The following RGS6 variants were observed in gnomAD, a reference collection of about 807,000 sequenced individuals.
RGS6 encodes regulator of G protein signaling 6, also known as regulator of G-protein signaling 6.
A neutral mutation model predicts 78.5 loss-of-function variants in RGS6; 30 were observed. The observed-to-expected ratio is 0.38, with a 90% CI of 0.29 to 0.52. RGS6 has a LOEUF of 0.52. RGS6 is among the 20% of genes least tolerant of loss of function. RGS6 has a pLI of 0.85. For missense variants in RGS6, 495 were observed against 609.7 expected (o/e 0.81, Z 1.98); for synonymous variants, 206 against 206.0 (o/e 1.00, Z 0.00).
At chr14:71,967,443 C>T (rs1424226354) in intron 2 of RGS6, among the ~76,000 whole-genome samples, 4 of 152,086 alleles carry the variant, frequency 2.6e-5, no homozygotes, top group Non-Finnish European at 5.9e-5. Context: ...AACTTACTTG[C>T]TGTAGGACAT....
intron 2 of RGS6, among the ~76,000 whole-genome samples, chr14:72,255,097 G>A (rs982807995): frequency 1.3e-5 from 2 of 152,180 alleles, no homozygotes; most frequent in Non-Finnish European, 2.9e-5. Context: ...TGAGGCAGAG[G>A]GAGATGGGGG....
chr14:71,991,776 A>G lies in RGS6; in HGVS notation c.84+26901A>G, dbSNP rs553061992. 4.6e-5 allele frequency among the ~76,000 whole-genome samples: 7 copies of G among 152,304 alleles called. No individual in the cohort carries two copies. In the East Asian group the frequency reaches 7.7e-4, roughly 17 times the overall value. ...TGAGAATATTTTCTTGTGACAGTCA[A>G]TATTCCTCTAGACCAGCAATTGGAT... is the stretch of plus-strand genomic sequence containing the variant. On this transcript the variant is annotated intron_variant, in intron 2 of 17. Coordinates refer to ENST00000553525, the MANE Select transcript of RGS6 (RefSeq NM_001204424.2).
chr14:72,365,560 C>T (rs181175918), intron 3 of RGS6, among the ~76,000 whole-genome samples: 11 of 152,262 alleles, frequency 7.2e-5, no homozygotes, highest in African/African-American at 2.6e-4. Flanking sequence ...TTCCATCTCA[C>T]AAATTAAATT....
At chr14:71,976,964 T>C (rs1045595614) in intron 2 of RGS6, among the ~76,000 whole-genome samples, 3 of 127,972 alleles carry the variant, frequency 2.3e-5, no homozygotes, top group Non-Finnish European at 3.5e-5. Flanking sequence ...CTAACTGGTG[T>C]GAGATGGTAT....
chr14:72,136,444 TC>T (rs1433817202), intron 2 of RGS6, among the ~76,000 whole-genome samples: 1 of 152,166 alleles, frequency 6.6e-6, no homozygotes, highest in Non-Finnish European at 1.5e-5. Context: ...GATTCACAGT[TC>T]CACATGGCTG....
chr14:71,882,387 T>C, the RGS6 span, among the ~76,000 whole-genome samples: 3 of 152,260 alleles, frequency 2.0e-5, no homozygotes, highest in Non-Finnish European at 4.4e-5. Flanking sequence ...TTCCCCCTTT[T>C]GGCAATCATG....
At chr14:72,041,023 C>T (rs7492320) in intron 2 of RGS6, among the ~76,000 whole-genome samples, 11,058 of 152,130 alleles carry the variant, frequency 0.073, 469 homozygotes, top group East Asian at 0.17. Context: ...ACTCTTTAAA[C>T]TTCTTTAAGA....
At chr14:72,068,274 A>G (rs2094249796) in intron 2 of RGS6, among the ~76,000 whole-genome samples, 1 of 151,482 alleles carries the variant, frequency 6.6e-6, no homozygotes, top group Admixed American at 6.6e-5. Context: ...AGCTGGGACT[A>G]CAGGCATGCA....
At chr14:72,304,547 A>G (rs550349416) in intron 2 of RGS6, among the ~76,000 whole-genome samples, 10 of 152,312 alleles carry the variant, frequency 6.6e-5, no homozygotes, top group Admixed American at 4.6e-4. Context: ...AATTATTACA[A>G]GTAAAGTATG....
intron 2 of RGS6, among the ~76,000 whole-genome samples, chr14:72,048,218 A>G (rs1237158650): frequency 1.3e-5 from 2 of 152,218 alleles, no homozygotes; most frequent in Admixed American, 6.5e-5. Context: ...TTTTCACTTT[A>G]ACGGGGTTAC....
At chr14:72,508,563 T>C (rs914902812) in intron 13 of RGS6, among the ~76,000 whole-genome samples, 1 of 21,566 alleles carries the variant, frequency 4.6e-5, no homozygotes, top group Non-Finnish European at 6.8e-5. Flanking sequence ...CACAAGCTCC[T>C]TTTTTTTTTT....
intron 2 of RGS6, among the ~76,000 whole-genome samples, chr14:72,219,036 C>T (rs974111945): frequency 2.6e-5 from 4 of 151,666 alleles, no homozygotes; most frequent in Admixed American, 2.6e-4. Context: ...ACTAAAGTGC[C>T]TTTACTAAAG....
At chr14:72,229,964 C>G (rs1321974392) in intron 2 of RGS6, among the ~76,000 whole-genome samples, 5 of 152,188 alleles carry the variant, frequency 3.3e-5, no homozygotes, top group Non-Finnish European at 7.3e-5. Flanking sequence ...CATTTACATC[C>G]TGTGCCAATC....
At chr14:72,484,081 C>T (rs181344882) in intron 12 of RGS6, among the ~76,000 whole-genome samples, 4 of 152,284 alleles carry the variant, frequency 2.6e-5, no homozygotes, top group Admixed American at 1.3e-4. Flanking sequence ...CCTTCCTGTC[C>T]TGGTTCTCTG....
intron 7 of RGS6, among the ~76,000 whole-genome samples, chr14:72,466,673 A>T (rs947350439): frequency 3.9e-5 from 6 of 152,220 alleles, no homozygotes; most frequent in African/African-American, 1.4e-4. Context: ...TTGAAAAGAT[A>T]AAACTATCAT....
At chr14:71,912,163 G>T in the RGS6 span, among the ~76,000 whole-genome samples, 13 of 152,186 alleles carry the variant, frequency 8.5e-5, no homozygotes, top group African/African-American at 2.7e-4. Flanking sequence ...GTGGCAACGA[G>T]AGAAGGAAGT....
chr14:72,149,015 A>G (rs564188795), intron 2 of RGS6, among the ~76,000 whole-genome samples: 5 of 152,144 alleles, frequency 3.3e-5, no homozygotes, highest in Non-Finnish European at 7.4e-5. Context: ...TCTCCGCACC[A>G]CTTGGTGTCA....
At position 72,502,657 on chromosome 14, in the gene RGS6, G is replaced by A. The variant is rs112292257; in HGVS notation, c.965+7395G>A. ...CAGGCAGCTGTAATCCCAGGTACTC[G>A]GGAGCCTGAGGCAGGAGAATAGTTT... is the stretch of plus-strand genomic sequence containing the variant. On this transcript the variant is annotated intron_variant, in intron 13 of 17. Transcript: ENST00000553525. Among the ~76,000 whole-genome samples the A allele has an allele frequency of 5.7e-3, 866 of 152,272 alleles. 8 individuals carry two copies. The highest frequency in any genetic ancestry group is 0.02 in the African/African-American group (826 of 41,562).
chr14:72,280,179 A>T (rs983875384), intron 2 of RGS6, among the ~76,000 whole-genome samples: 15 of 146,332 alleles, frequency 1.0e-4, no homozygotes, highest in African/African-American at 2.7e-4. Flanking sequence ...AAGAGGTCTT[A>T]TTTTTTTTTT....
Sources: allele counts gnomAD v4.1 joint callset (sites outside exome capture counted in the v4.1 genomes callset), GRCh38; gene constraint gnomAD v4.1.1; transcripts MANE v1.5; gene names NCBI Gene and HGNC (gene_info 2026-07-23, HGNC 2026-07-21).